The following GOLM2 variants were observed in gnomAD, a reference collection of about 807,000 sequenced individuals.
GOLM2 encodes the protein golgi membrane protein 2.
Under a neutral mutation model 55.9 loss-of-function variants are expected in GOLM2, and 26 were observed. That is an observed-to-expected ratio of 0.47 (90% CI 0.34 to 0.65). GOLM2 has a LOEUF of 0.65. Among genes scored for constraint, GOLM2 ranks in the 30% least tolerant of loss-of-function variants. The probability of loss-of-function intolerance (pLI) is 0.01; values close to 1 mark genes in which losing one functional copy is unlikely to be tolerated. For synonymous variants in GOLM2, 165 were observed against 194.6 expected (o/e 0.85, Z 1.27); for missense variants, 486 against 531.8 (o/e 0.91, Z 0.85).
chr15:44,407,532 T>G (rs2141218604), intron 9 of GOLM2, among the ~76,000 whole-genome samples: 1 of 151,872 alleles, frequency 6.6e-6, no homozygotes, highest in Admixed American at 6.6e-5. Context: ...CACCTCGGTC[T>G]CCCAAAGTGT....
intron 6 of GOLM2, among the ~76,000 whole-genome samples, chr15:44,373,317 C>T (rs2079341664): frequency 6.6e-6 from 1 of 151,502 alleles, no homozygotes; most frequent in Non-Finnish European, 1.5e-5. Flanking sequence ...ATTAGCCGGG[C>T]GCAGTGGCGG....
chr15:44,317,307 A>G (rs527657231), intron 1 of GOLM2, among the ~76,000 whole-genome samples: 7 of 152,204 alleles, frequency 4.6e-5, no homozygotes, highest in African/African-American at 1.4e-4. Context: ...GGCCTGAGAA[A>G]TCAAGGTTGC....
intron 6 of GOLM2, among the ~76,000 whole-genome samples, chr15:44,368,709 A>G (rs1301757875): frequency 1.3e-5 from 2 of 151,696 alleles, no homozygotes; most frequent in East Asian, 1.9e-4. Context: ...GCACACACAT[A>G]TATATACACA....
chr15:44,354,095 T>C (rs2079181876), intron 6 of GOLM2, among the ~76,000 whole-genome samples: 1 of 152,032 alleles, frequency 6.6e-6, no homozygotes, highest in Admixed American at 6.6e-5. Context: ...ATGTAAGTAA[T>C]GCATTTCCTC....
intron 6 of GOLM2, among the ~76,000 whole-genome samples, chr15:44,369,723 C>CACACATAT (rs1555425016): frequency 7.1e-6 from 1 of 140,652 alleles, no homozygotes; most frequent in African/African-American, 2.6e-5. Context: ...CACACACACA[C>CACACATAT]ATATATATAT....
chr15:44,337,938 TTAA>T, intron 5 of GOLM2, 31 bp downstream of exon 5: 5 of 1,551,846 alleles, frequency 3.2e-6, no homozygotes, highest in Non-Finnish European at 4.3e-6. Context: ...TTGTTTTGTA[TTAA>T]TAGGATATTG....
intron 1 of GOLM2, among the ~76,000 whole-genome samples, chr15:44,300,202 GAGAA>G (rs932078041): frequency 1.4e-4 from 21 of 149,654 alleles, no homozygotes; most frequent in African/African-American, 4.4e-4. Context: ...GAGGGAAGGA[GAGAA>G]AGAGGAAGAA....
chr15:44,375,040 CAG>C (rs2079354686), intron 6 of GOLM2, among the ~76,000 whole-genome samples: 1 of 152,044 alleles, frequency 6.6e-6, no homozygotes, highest in African/African-American at 2.4e-5. Context: ...ATTTTTGAGA[CAG>C]AGTCTCCCTC....
intron 1 of GOLM2, among the ~76,000 whole-genome samples, chr15:44,300,216 A>G (rs2078787894): frequency 6.6e-6 from 1 of 150,482 alleles, no homozygotes; most frequent in South Asian, 2.1e-4. Context: ...AAGAGGAAGA[A>G]AGAGGGAGAG....
chr15:44,350,347 A>G (rs1285369194), intron 6 of GOLM2, among the ~76,000 whole-genome samples: 3 of 152,202 alleles, frequency 2.0e-5, no homozygotes, highest in South Asian at 2.1e-4. Context: ...ATGAGCAACT[A>G]TATGCCAGTA....
rs1406094804 is a variant in GOLM2, at chr15:44,413,781, T to C, written c.*375T>C. ...AACCACAGTAAGAACAGAACAGATA[T>C]TCAGCAGAAAACTTTTTATACTCTA... On this transcript the variant is annotated 3_prime_UTR_variant, in exon 10 of 10. Coordinates refer to ENST00000299957, the MANE Select transcript of GOLM2 (RefSeq NM_138423.4). The C allele has an allele frequency of 6.3e-6, 1 of 159,582 alleles. No homozygotes were observed. Among genetic ancestry groups the C allele is most frequent in the Non-Finnish European group, 1.4e-5 (1 of 73,358 alleles). The allele number at this position is 159,582 out of a possible 1,614,324, so 9.9% of individuals were successfully genotyped here. A position where few individuals can be genotyped will look rare whatever the true frequency, so the allele number is the denominator to read the frequency against.
chr15:44,329,179 C>T (rs1053932067), intron 3 of GOLM2, among the ~76,000 whole-genome samples: 1 of 152,180 alleles, frequency 6.6e-6, no homozygotes, highest in Admixed American at 6.5e-5. Context: ...GGACTGAGTG[C>T]CGGCTGCTCT....
intron 6 of GOLM2, among the ~76,000 whole-genome samples, chr15:44,363,944 C>CA (rs2079263373): frequency 1.3e-5 from 2 of 150,666 alleles, no homozygotes; most frequent in Admixed American, 1.3e-4. Context: ...ATCGCAAGAA[C>CA]AAAAAACCAA....
chr15:44,348,584 T>C (rs1252888943), intron 6 of GOLM2: 1 of 152,152 alleles, frequency 6.6e-6, no homozygotes, highest in Non-Finnish European at 1.5e-5. Flanking sequence ...GCTGGGGGAA[T>C]TTGCCACCCT....
At chr15:44,310,312 AG>A (rs2078864486) in intron 1 of GOLM2, among the ~76,000 whole-genome samples, 3 of 151,906 alleles carry the variant, frequency 2.0e-5, no homozygotes, top group Admixed American at 2.0e-4. Context: ...AAAATCACCA[AG>A]GGATGAAAGG....
chr15:44,291,800 T>C (rs1361711114), intron 1 of GOLM2, among the ~76,000 whole-genome samples: 1 of 152,226 alleles, frequency 6.6e-6, no homozygotes, highest in African/African-American at 2.4e-5. Flanking sequence ...AAAGTAGTGT[T>C]AAACAGAATA....
intron 6 of GOLM2, among the ~76,000 whole-genome samples, chr15:44,349,986 C>T (rs964086999): frequency 2.0e-5 from 3 of 151,946 alleles, no homozygotes; most frequent in African/African-American, 4.8e-5. Flanking sequence ...TGGGATACAG[C>T]GAAAGCAGAA....
intron 1 of GOLM2, among the ~76,000 whole-genome samples, chr15:44,317,713 C>T (rs1389047980): frequency 1.3e-5 from 2 of 152,138 alleles, no homozygotes; most frequent in Admixed American, 6.6e-5. Flanking sequence ...TACTGAAGAT[C>T]TCTTCTTGGA....
intron 6 of GOLM2, among the ~76,000 whole-genome samples, chr15:44,379,382 C>T (rs1567039762): frequency 1.3e-5 from 2 of 152,084 alleles, no homozygotes; most frequent in African/African-American, 2.4e-5. Flanking sequence ...GAGGCTGAGG[C>T]AGGGAGAATC....
Sources: allele counts gnomAD v4.1 joint callset (sites outside exome capture counted in the v4.1 genomes callset), GRCh38; gene constraint gnomAD v4.1.1; transcripts MANE v1.5; gene names NCBI Gene and HGNC (gene_info 2026-07-23, HGNC 2026-07-21).